Variants in MYO1E observed in about 807,000 individuals in gnomAD.
The protein encoded by MYO1E is myosin IE, also known as unconventional myosin-Ie.
In MYO1E, 68 loss-of-function variants were observed where a neutral mutation model predicts 151.1. The observed-to-expected ratio is 0.45, with a 90% CI of 0.37 to 0.55. MYO1E has a LOEUF of 0.55. Among genes scored for constraint, MYO1E ranks in the 20% least tolerant of loss-of-function variants. The probability of loss-of-function intolerance (pLI) is 0.00; values close to 1 mark genes in which losing one functional copy is unlikely to be tolerated. For synonymous variants in MYO1E, 601 were observed against 501.7 expected (o/e 1.20, Z -2.64); for missense variants, 1,363 against 1,389.3 (o/e 0.98, Z 0.30).
intron 10 of MYO1E, among the ~76,000 whole-genome samples, chr15:59,216,691 TAC>T (rs199582846): frequency 0.067 from 3,783 of 56,328 alleles, 193 homozygotes; most frequent in African/African-American, 0.12. Context: ...TATATACACA[TAC>T]ACACACACAC....
chr15:59,247,620 A>AGGT (rs1164758925), intron 4 of MYO1E, among the ~76,000 whole-genome samples: 1 of 152,208 alleles, frequency 6.6e-6, no homozygotes, highest in African/African-American at 2.4e-5. Context: ...TAACAGCAAG[A>AGGT]GGTGACCTGA....
chr15:59,335,436 G>C (rs1191035037), intron 1 of MYO1E, among the ~76,000 whole-genome samples: 3 of 152,116 alleles, frequency 2.0e-5, no homozygotes, highest in Non-Finnish European at 2.9e-5. Flanking sequence ...AGAAGCAAGT[G>C]ATGATTCTGT....
intron 1 of MYO1E, among the ~76,000 whole-genome samples, chr15:59,318,901 T>A (rs1189800950): frequency 6.6e-6 from 1 of 152,054 alleles, no homozygotes; most frequent in South Asian, 2.1e-4. Flanking sequence ...TCCTGTCTTA[T>A]AGAAACTGGG....
chr15:59,298,309 T>C (rs1215043452), intron 1 of MYO1E, among the ~76,000 whole-genome samples: 1 of 152,160 alleles, frequency 6.6e-6, no homozygotes, highest in Non-Finnish European at 1.5e-5. Flanking sequence ...GAGTATGTGT[T>C]TGGGCTTCTT....
intron 5 of MYO1E, among the ~76,000 whole-genome samples, chr15:59,234,903 T>C (rs1214179522): frequency 6.7e-6 from 1 of 148,746 alleles, no homozygotes; most frequent in Non-Finnish European, 1.5e-5. Flanking sequence ...ACCATGGCAA[T>C]AACATTACAT....
At chr15:59,242,354 C>T (rs566363714) in intron 4 of MYO1E, among the ~76,000 whole-genome samples, 1 of 152,252 alleles carries the variant, frequency 6.6e-6, no homozygotes, top group East Asian at 1.9e-4. Flanking sequence ...AGGAAATGTA[C>T]AGTGACTGGT....
chr15:59,225,931 C>G (rs1187343324), intron 7 of MYO1E, among the ~76,000 whole-genome samples: 1 of 152,188 alleles, frequency 6.6e-6, no homozygotes, highest in Non-Finnish European at 1.5e-5. Context: ...CAGGCGTGAG[C>G]CACCGCACCC....
chr15:59,208,858 G>C lies in MYO1E; in HGVS notation c.1363-10C>G. The C allele has an allele frequency of 6.2e-7, 1 of 1,614,020 alleles. No individual in the cohort carries two copies. On this transcript the variant is annotated splice_polypyrimidine_tract_variant and intron_variant, in intron 13 of 27. Coordinates refer to ENST00000288235, the MANE Select transcript of MYO1E (RefSeq NM_004998.4). ...TGATGCCAGGAGGGTTCTGATGGGA[G>C]CAAGAAGGCAAGGCCCTAGTCACTG... is the stretch of plus-strand genomic sequence containing the variant.
At chr15:59,341,016 C>CAAAAAAAAAAAA (rs35367694) in intron 1 of MYO1E, among the ~76,000 whole-genome samples, 1 of 86,278 alleles carries the variant, frequency 1.2e-5, no homozygotes. Context: ...GACTCCATCT[C>CAAAAAAAAAAAA]AAAAAAAAAA....
intron 1 of MYO1E, among the ~76,000 whole-genome samples, chr15:59,296,433 T>C (rs1309872530): frequency 6.6e-6 from 1 of 152,196 alleles, no homozygotes; most frequent in Non-Finnish European, 1.5e-5. Context: ...CGGCCACCAT[T>C]ACTGTTGCTG....
At chr15:59,205,541 C>A in intron 14 of MYO1E, 56 bp from the exon 15 acceptor site, 3 of 1,487,048 alleles carry the variant, frequency 2.0e-6, no homozygotes, top group Non-Finnish European at 2.8e-6. Flanking sequence ...ATTAATTGAA[C>A]AAAATCATTT....
At chr15:59,278,644 T>C (rs1324314430) in intron 1 of MYO1E, among the ~76,000 whole-genome samples, 1 of 152,190 alleles carries the variant, frequency 6.6e-6, no homozygotes, top group African/African-American at 2.4e-5. Flanking sequence ...GATGGGAAGA[T>C]GTGTCTCTGA....
intron 17 of MYO1E, among the ~76,000 whole-genome samples, chr15:59,193,539 C>T (rs1032420426): frequency 6.6e-6 from 1 of 152,156 alleles, no homozygotes; most frequent in Non-Finnish European, 1.5e-5. Flanking sequence ...ATGGGGAATG[C>T]TTATATTTCA....
chr15:59,362,741 T>C (rs755560343), intron 1 of MYO1E, among the ~76,000 whole-genome samples: 3 of 152,224 alleles, frequency 2.0e-5, no homozygotes, highest in Non-Finnish European at 4.4e-5. Context: ...AATCAGATAA[T>C]ACTGTCCAAA....
At chr15:59,356,722 TGTGTA>T (rs1307438600) in intron 1 of MYO1E, among the ~76,000 whole-genome samples, 1 of 150,880 alleles carries the variant, frequency 6.6e-6, no homozygotes, top group Non-Finnish European at 1.5e-5. Flanking sequence ...GGACTACAAG[TGTGTA>T]ACACCACAAC....
At chr15:59,172,992 G>A (rs1253680137) in intron 21 of MYO1E, among the ~76,000 whole-genome samples, 1 of 152,182 alleles carries the variant, frequency 6.6e-6, no homozygotes, top group Non-Finnish European at 1.5e-5. Flanking sequence ...CCCGCCCCTG[G>A]CAAAAAGCCA....
chr15:59,320,070 T>C (rs935556043), intron 1 of MYO1E, among the ~76,000 whole-genome samples: 2 of 152,064 alleles, frequency 1.3e-5, no homozygotes, highest in South Asian at 2.1e-4. Context: ...TGCAATCCCA[T>C]TGACAATAGC....
Position 59,137,474 on chromosome 15 carries a change from T to C in MYO1E, c.3251-18A>G. 6.2e-7 allele frequency: 1 copy of C among 1,610,682 alleles called. No individual in the cohort carries two copies. Among genetic ancestry groups the C allele is most frequent in the South Asian group, 1.1e-5 (1 of 90,980 alleles). On this transcript the variant is annotated intron_variant, in intron 27 of 27. Transcript: ENST00000288235. The stretch of plus-strand genomic sequence containing the variant: ...AGAAGGATCTGCAGGGAGAGAGAGG[T>C]GGTGGAAGTGAAGATGAGAAAGTCT...
At chr15:59,183,065 C>G (rs564981308) in intron 18 of MYO1E, among the ~76,000 whole-genome samples, 4 of 152,292 alleles carry the variant, frequency 2.6e-5, no homozygotes, top group African/African-American at 9.6e-5. Context: ...GTAATGCTCG[C>G]TGGCCTGCTG....
Sources: gnomAD v4.1 joint callset for allele counts (sites outside exome capture counted in the v4.1 genomes callset) on GRCh38, gnomAD v4.1.1 for gene constraint, MANE v1.5 for transcripts, NCBI Gene and HGNC (gene_info 2026-07-23, HGNC 2026-07-21) for gene names.